Variants in HOXA10 observed in about 807,000 individuals in gnomAD.
The protein encoded by HOXA10 is homeobox A10.
A neutral mutation model predicts 29.7 loss-of-function variants in HOXA10; 12 were observed. That is an observed-to-expected ratio of 0.40 (90% CI 0.26 to 0.65). The LOEUF is 0.65. HOXA10 is among the 30% of genes least tolerant of loss of function. HOXA10 has a pLI of 0.37. For synonymous variants in HOXA10, 327 were observed against 280.7 expected, an observed-to-expected ratio of 1.16 and a Z score of -1.65; for missense variants, 656 against 585.9, an observed-to-expected ratio of 1.12 and a Z score of -1.24.
upstream of HOXA10, chr7:27,174,858 C>G (rs1049579548): frequency 6.5e-6 from 1 of 154,422 alleles, no homozygotes; most frequent in African/African-American, 2.4e-5. Context: ...GGCCCTATGG[C>G]CGTCAGGATC....
chr7:27,173,070 G>A, intron 1 of HOXA10: 1 of 520,282 alleles, frequency 1.9e-6, no homozygotes, highest in South Asian at 2.2e-5. Context: ...CCACAGGAAA[G>A]AGCGCACAGG....
chr7:27,171,411 C>G lies in HOXA10; in HGVS notation c.*488G>C, dbSNP rs553523598. 1 of 455,370 alleles carries G rather than the reference C, an allele frequency of 2.2e-6. No homozygotes were observed. Among genetic ancestry groups the G allele is most frequent in the East Asian group, 6.9e-5 (1 of 14,434 alleles). The allele number at this position is 455,370 out of a possible 1,614,324, so 28.2% of individuals were successfully genotyped here. A position where few individuals can be genotyped will look rare whatever the true frequency, so the allele number is the denominator to read the frequency against. On this transcript the variant is annotated 3_prime_UTR_variant, in exon 2 of 2. Transcript: ENST00000283921. Reference sequence around the variant, plus strand: ...AAAAAAGAAACCCAGGGGCCTGTATCCCCTGATTAAACACAGCACAGCACT... The same window carrying G: ...AAAAAAGAAACCCAGGGGCCTGTATGCCCTGATTAAACACAGCACAGCACT...
upstream of HOXA10, among the ~76,000 whole-genome samples, chr7:27,177,131 T>C (rs1382545651): frequency 6.6e-6 from 1 of 152,212 alleles, no homozygotes; most frequent in East Asian, 1.9e-4. Flanking sequence ...AAAAGTCAGT[T>C]TGTATCGCAT....
upstream of HOXA10, among the ~76,000 whole-genome samples, chr7:27,177,056 G>A (rs1211330960): frequency 3.3e-5 from 5 of 152,218 alleles, no homozygotes; most frequent in South Asian, 2.1e-4. Context: ...GGGCCCCGTA[G>A]GGCAGCCAAA....
At chr7:27,173,094 G>T (rs1783544932) in intron 1 of HOXA10, 2 of 574,250 alleles carry the variant, frequency 3.5e-6, no homozygotes, top group East Asian at 6.2e-5. Flanking sequence ...GGGCCTGCTC[G>T]CTGGTGTCCT....
chr7:27,178,480 C>T (rs1223943120), upstream of HOXA10, among the ~76,000 whole-genome samples: 2 of 152,206 alleles, frequency 1.3e-5, no homozygotes, highest in East Asian at 3.8e-4. Context: ...AGTGTTGGGG[C>T]CTTTTCACAC....
upstream of HOXA10, among the ~76,000 whole-genome samples, chr7:27,177,796 T>C (rs1006894569): frequency 3.9e-5 from 6 of 152,158 alleles, no homozygotes; most frequent in Admixed American, 6.5e-5. Flanking sequence ...AATTTCTCCC[T>C]CTCCCTCAGG....
Position 27,173,601 on chromosome 7 carries a change from G to A in HOXA10, c.706C>T (p.Leu236Phe). The A allele has an allele frequency of 6.5e-7, 1 of 1,530,996 alleles. No homozygotes were observed. Among genetic ancestry groups the A allele is most frequent in the East Asian group, 2.5e-5 (1 of 39,678 alleles). The allele number at this position is 1,530,996 out of a possible 1,614,324, so 94.8% of individuals were successfully genotyped here. The change falls in exon 1 of 2, where the codon CTC becomes TTC. Residue 236 changes from leucine (L) to phenylalanine (F), a missense_variant. By Grantham distance (22) the Leu-to-Phe change is conservative. This residue lies in a region of HOXA10 where 594 missense variants were observed against 491.9 expected (regional missense o/e 1.21). Transcript: ENST00000283921. ...YGSGGGGAQQ[L>F]GAGPFPAQPP... Reference sequence around the variant, plus strand: ...TGCGCGGGGAACGGGCCAGCCCCGAGTTGCTGCGCGCCGCCGCCGCCGCTG... The same window carrying A: ...TGCGCGGGGAACGGGCCAGCCCCGAATTGCTGCGCGCCGCCGCCGCCGCTG...
At chr7:27,172,882 G>T (rs1783537252) in intron 1 of HOXA10, 2 of 169,212 alleles carry the variant, frequency 1.2e-5, no homozygotes, top group Admixed American at 6.1e-5. Context: ...ATGGGGGATC[G>T]TAAACTCGAA....
In HOXA10 at chr7:27,171,549, G is replaced by T; in HGVS notation, c.*350C>A. 1 of 481,134 alleles carries T rather than the reference G, an allele frequency of 2.1e-6. No individual in the cohort carries two copies. The highest frequency in any genetic ancestry group is 4.1e-6 in the Non-Finnish European group (1 of 244,870). The allele number at this position is 481,134 out of a possible 1,614,324, so 29.8% of individuals were successfully genotyped here. On this transcript the variant is annotated 3_prime_UTR_variant, in exon 2 of 2. Coordinates refer to ENST00000283921, the MANE Select transcript of HOXA10 (RefSeq NM_018951.4). ...GGCTAGGTTTGCCCCAGGCTGGGCA[G>T]GAAACCAGCTCGGCCGAAGACAGGG...
rs1453156954 is a variant in HOXA10, at chr7:27,170,786, CATTT to C, written c.*1109_*1112del. ...ATTGGCAATTCTTCATAATAATAGA[CATTT>C]ATACAGATTTGTATTTATAGTTTTT... On this transcript the variant is annotated 3_prime_UTR_variant, in exon 2 of 2. Transcript: ENST00000283921. 4.4e-6 allele frequency: 2 copies of C among 449,734 alleles called. No individual in the cohort carries two copies. The highest frequency in any genetic ancestry group is 8.8e-6 in the Non-Finnish European group (2 of 226,176). The allele number at this position is 449,734 out of a possible 1,614,324, so 27.9% of individuals were successfully genotyped here.
Position 27,170,672 on chromosome 7 carries a change from A to G in HOXA10, c.*1227T>C, listed in dbSNP as rs1783451303. The G allele has an allele frequency of 2.5e-6, 1 of 404,756 alleles. No individual in the cohort carries two copies. Among genetic ancestry groups the G allele is most frequent in the Non-Finnish European group, 4.8e-6 (1 of 208,208 alleles). 25.1% of individuals were successfully genotyped at this position (404,756 alleles called of 1,614,324 possible). On this transcript the variant is annotated 3_prime_UTR_variant, in exon 2 of 2. Coordinates refer to ENST00000283921, the MANE Select transcript of HOXA10 (RefSeq NM_018951.4). ...TTTTTCCACGCACAGCAGCAATACA[A>G]TATTAATTTATTCTGATTTAAGATT...
upstream of HOXA10, chr7:27,174,363 C>T (rs1783607609): frequency 1.9e-6 from 3 of 1,585,978 alleles, no homozygotes; most frequent in Non-Finnish European, 2.6e-6. Flanking sequence ...GCGGCGGGCG[C>T]CCGCAGCCAA....
Position 27,171,282 on chromosome 7 carries a change from ACTTT to A in HOXA10, c.*613_*616del, listed in dbSNP as rs1783475553. 3 of 454,080 alleles carry A rather than the reference ACTTT, an allele frequency of 6.6e-6. No homozygotes were observed. Among genetic ancestry groups the A allele is most frequent in the African/African-American group, 2.0e-5 (1 of 50,112 alleles). The allele number at this position is 454,080 out of a possible 1,614,324, so 28.1% of individuals were successfully genotyped here. ...GAGGAAGGAAAAATTAACCTTTTTTACTTTCTTTCTCACTTTTTAAATCAGCCAA... is the reference window on the plus strand; with the variant it reads ...GAGGAAGGAAAAATTAACCTTTTTTACTTTCTCACTTTTTAAATCAGCCAA... On this transcript the variant is annotated 3_prime_UTR_variant, in exon 2 of 2. Transcript: ENST00000283921.
chr7:27,174,161 G>GCGC lies in HOXA10; in HGVS notation c.143_145dup (p.Gly48dup). On this transcript the variant is annotated inframe_insertion, in exon 1 of 2. Coordinates refer to ENST00000283921, the MANE Select transcript of HOXA10 (RefSeq NM_018951.4). ...GTAACCGCCACCGCCGCCGCCCCCC[G>GCGC]CGCCACCACCACCGCCGCCTGCCTC... 6.3e-7 allele frequency: 1 copy of GCGC among 1,596,226 alleles called. No homozygotes were observed. Among genetic ancestry groups the GCGC allele is most frequent in the Non-Finnish European group, 8.5e-7 (1 of 1,179,024 alleles).
At chr7:27,179,457 G>T (rs1295239658) in intron 1 of HOXA10, among the ~76,000 whole-genome samples, 1 of 152,108 alleles carries the variant, frequency 6.6e-6, no homozygotes, top group Non-Finnish European at 1.5e-5. Flanking sequence ...CTGGCGCAAG[G>T]AGCTAAAATC....
In HOXA10 at chr7:27,171,771, A is replaced by T; in HGVS notation, c.*128T>A. The T allele has an allele frequency of 1.1e-6, 1 of 935,614 alleles. No individual in the cohort carries two copies. Among genetic ancestry groups the T allele is most frequent in the Non-Finnish European group, 1.8e-6 (1 of 563,228 alleles). The allele number at this position is 935,614 out of a possible 1,614,324, so 58.0% of individuals were successfully genotyped here. A position where few individuals can be genotyped will look rare whatever the true frequency, so the allele number is the denominator to read the frequency against. ...CAGCCCTGCACAGATGTAACGGCCC[A>T]GGAGATGGCGAGTGTGGGAGGGAGG... On this transcript the variant is annotated 3_prime_UTR_variant, in exon 2 of 2. Coordinates refer to ENST00000283921, the MANE Select transcript of HOXA10 (RefSeq NM_018951.4).
upstream of HOXA10, among the ~76,000 whole-genome samples, chr7:27,178,953 T>C (rs1783702689): frequency 1.3e-5 from 2 of 152,244 alleles, no homozygotes; most frequent in Non-Finnish European, 2.9e-5. Context: ...TTTAAAAAAG[T>C]ATTAGTATTT....
chr7:27,173,446 C>G lies in HOXA10; in HGVS notation c.861G>C (p.Gln287His). ...ACGACGCGTGCGCCTCCTCGTCGCC[C>G]TGCGAGCCCCCGCCGCTGCCGCAAG... ...TLACGSGGGSQGDEEAHASSS... is the reference protein window; with the variant it reads ...TLACGSGGGSHGDEEAHASSS... The change falls in exon 1 of 2, where the codon CAG becomes CAC. Residue 287 changes from glutamine (Q) to histidine (H), a missense_variant. Gln to His is a conservative substitution (Grantham distance 24). Around this residue, in one of 2 missense-constraint regions of HOXA10, gnomAD observed 594 missense variants for 491.9 expected, o/e 1.21. Coordinates refer to ENST00000283921, the MANE Select transcript of HOXA10 (RefSeq NM_018951.4). 1 of 1,543,034 alleles carries G rather than the reference C, an allele frequency of 6.5e-7. No homozygotes were observed. The highest frequency in any genetic ancestry group is 8.7e-7 in the Non-Finnish European group (1 of 1,147,290).
Sources: allele counts gnomAD v4.1 joint callset (sites outside exome capture counted in the v4.1 genomes callset), GRCh38; gene constraint gnomAD v4.1.1; regional missense constraint gnomAD v4.1.1; transcripts MANE v1.5; gene names NCBI Gene and HGNC (gene_info 2026-07-23, HGNC 2026-07-21).